Variants in TMEM131L observed in about 807,000 individuals in gnomAD.
The protein encoded by TMEM131L is transmembrane protein 131-like.
A neutral mutation model predicts 192.2 loss-of-function variants in TMEM131L; 54 were observed. The ratio of observed to expected loss-of-function variants is 0.28; its 90% CI spans 0.23 to 0.35. The LOEUF (loss-of-function observed/expected upper bound fraction) is 0.35, where lower values mean the gene tolerates loss of function less well. Ranked by LOEUF, TMEM131L falls within the 10% of genes least tolerant of loss-of-function variation. TMEM131L has a pLI of 1.00. For missense variants in TMEM131L, 1,888 were observed against 1,972.9 expected, an observed-to-expected ratio of 0.96 and a Z score of 0.82; for synonymous variants, 701 against 704.9, an observed-to-expected ratio of 0.99 and a Z score of 0.09.
At chr4:153,622,760 C>A (rs1458583021) in intron 28 of TMEM131L, 138 bp from the exon 29 acceptor site, 3 of 793,120 alleles carry the variant, frequency 3.8e-6, no homozygotes, top group Middle Eastern at 2.4e-4. Context: ...TCCATGAACT[C>A]CTCCTTTCTT....
chr4:153,595,499 G>T (rs575457139), intron 19 of TMEM131L, among the ~76,000 whole-genome samples: 1 of 152,072 alleles, frequency 6.6e-6, no homozygotes, highest in South Asian at 2.1e-4. Flanking sequence ...GATGGCATGG[G>T]TAACACTAGC....
intron 3 of TMEM131L, among the ~76,000 whole-genome samples, chr4:153,492,078 T>C (rs1732830128): frequency 6.6e-6 from 1 of 152,054 alleles, no homozygotes; most frequent in South Asian, 2.1e-4. Context: ...CATAGCTCGC[T>C]GCAACCTTGA....
In TMEM131L at chr4:153,550,079, G is replaced by A. The variant is rs1229400164; in HGVS notation, c.246G>A (p.Ser82=). 10 of 1,473,600 alleles carry A rather than the reference G, an allele frequency of 6.8e-6. No homozygotes were observed. Among genetic ancestry groups the A allele is most frequent in the Middle Eastern group, 1.7e-4 (1 of 5,748 alleles). The allele number at this position is 1,473,600 out of a possible 1,614,324, so 91.3% of individuals were successfully genotyped here. A position where few individuals can be genotyped will look rare whatever the true frequency, so the allele number is the denominator to read the frequency against. Residue 82 remains serine, a synonymous_variant, in exon 4 of 35, where the codon TCG becomes TCA. Coordinates refer to ENST00000409959, the MANE Select transcript of TMEM131L (RefSeq NM_001131007.2). ...LEEPSQEQSF[S]DKLFSGKGLH... ...CTCTCTTTTCTTTTTTTAGCTTCTC[G>A]GACAAACTATTTAGTGGAAAAGGCT...
At chr4:153,514,847 C>T (rs1026620642) in intron 3 of TMEM131L, among the ~76,000 whole-genome samples, 5 of 151,896 alleles carry the variant, frequency 3.3e-5, no homozygotes, top group African/African-American at 9.7e-5. Context: ...GAGTCTCGCT[C>T]TGTCCCCCAG....
chr4:153,625,807 C>T (rs1240312978), intron 29 of TMEM131L, among the ~76,000 whole-genome samples: 1 of 151,978 alleles, frequency 6.6e-6, no homozygotes, highest in Non-Finnish European at 1.5e-5. Flanking sequence ...ACTTGGGAGG[C>T]TGAGGCAGGA....
At chr4:153,574,407 C>T (rs1278078624) in intron 7 of TMEM131L, among the ~76,000 whole-genome samples, 1 of 152,074 alleles carries the variant, frequency 6.6e-6, no homozygotes, top group Non-Finnish European at 1.5e-5. Context: ...GCTGAGCCTG[C>T]TGTTATGCAG....
chr4:153,472,564 T>C (rs866766282), intron 2 of TMEM131L, among the ~76,000 whole-genome samples: 27 of 152,202 alleles, frequency 1.8e-4, no homozygotes, highest in Non-Finnish European at 3.5e-4. Context: ...CACCTGCCCT[T>C]GTGATGCTTG....
At position 153,466,384 on chromosome 4, in the gene TMEM131L, G is replaced by T; in HGVS notation, c.-14G>T. 1.5e-6 allele frequency: 2 copies of T among 1,302,058 alleles called. No homozygotes were observed. Among genetic ancestry groups the T allele is most frequent in the South Asian group, 2.1e-5 (1 of 46,768 alleles). 80.7% of individuals were successfully genotyped at this position (1,302,058 alleles called of 1,614,324 possible). A position where few individuals can be genotyped will look rare whatever the true frequency, so the allele number is the denominator to read the frequency against. On this transcript the variant is annotated 5_prime_UTR_variant, in exon 1 of 35. Transcript: ENST00000409959. ...CGAGCGCGGCGAGCAACGGAGAGGA[G>T]CGCGAGCAGCAGCATGGCGGGGCTC... is the stretch of plus-strand genomic sequence containing the variant.
chr4:153,548,150 C>T (rs939465687), intron 3 of TMEM131L, among the ~76,000 whole-genome samples: 14 of 152,176 alleles, frequency 9.2e-5, no homozygotes, highest in African/African-American at 3.4e-4. Context: ...TTTCCGGAGG[C>T]AACTTCTCTG....
At chr4:153,625,058 C>T (rs1733737116) in intron 29 of TMEM131L, among the ~76,000 whole-genome samples, 1 of 152,196 alleles carries the variant, frequency 6.6e-6, no homozygotes. Context: ...TGATAACGTT[C>T]TGTGCATGTG....
rs188637807 is a variant in TMEM131L, at chr4:153,628,832, G to A, written c.4207+1145G>A. Among the ~76,000 whole-genome samples, 401 of 152,250 alleles carry A rather than the reference G, an allele frequency of 2.6e-3. 2 individuals carry two copies. Among genetic ancestry groups the A allele is most frequent in the African/African-American group, 9.0e-3 (374 of 41,530 alleles). ...GCTTTGCTATCAGTTGGAGATATAC[G>A]TGCGGTTTGGTGTTCTAACCCAGGT... On this transcript the variant is annotated intron_variant, in intron 31 of 34. Transcript: ENST00000409959.
intron 3 of TMEM131L, among the ~76,000 whole-genome samples, chr4:153,543,124 T>A (rs1736918760): frequency 6.6e-6 from 1 of 152,222 alleles, no homozygotes; most frequent in African/African-American, 2.4e-5. Flanking sequence ...CCTTGAAGCC[T>A]GAAGCTTTCT....
chr4:153,493,042 C>T (rs1349348853), intron 3 of TMEM131L, among the ~76,000 whole-genome samples: 2 of 152,094 alleles, frequency 1.3e-5, no homozygotes, highest in East Asian at 1.9e-4. Flanking sequence ...GGTAGTAGCT[C>T]AGTGGCTAAA....
chr4:153,592,761 A>G (rs1265360261), intron 18 of TMEM131L, among the ~76,000 whole-genome samples, 177 bp downstream of exon 18: 2 of 152,194 alleles, frequency 1.3e-5, no homozygotes, highest in East Asian at 3.8e-4. Flanking sequence ...TGATGGAACT[A>G]CCTGGCTCTG....
At chr4:153,585,029 TTCTC>T (rs923941041) in intron 12 of TMEM131L, 98 bp downstream of exon 12, 23 of 967,740 alleles carry the variant, frequency 2.4e-5, no homozygotes, top group South Asian at 8.6e-5. Flanking sequence ...ATTTGTGTGA[TTCTC>T]TCTCTCACTG....
At chr4:153,629,998 G>T (rs1734103870) in intron 31 of TMEM131L, among the ~76,000 whole-genome samples, 2 of 152,166 alleles carry the variant, frequency 1.3e-5, no homozygotes, top group African/African-American at 2.4e-5. Flanking sequence ...GCAAACTTGT[G>T]CCTGGCCCCA....
chr4:153,636,210 A>C, intron 34 of TMEM131L, 91 bp from the exon 35 acceptor site: 1 of 1,258,020 alleles, frequency 7.9e-7, no homozygotes, highest in South Asian at 1.5e-5. Flanking sequence ...AAGTAACTTG[A>C]TAGCATTGTA....
chr4:153,487,061 A>G (rs1374346539), intron 3 of TMEM131L, among the ~76,000 whole-genome samples: 2 of 152,208 alleles, frequency 1.3e-5, no homozygotes, highest in South Asian at 4.1e-4. Context: ...CCTGGTGTGA[A>G]TCAGAAGCTC....
At position 153,541,468 on chromosome 4, in the gene TMEM131L, G is replaced by A. The variant is rs1241626211; in HGVS notation, c.240-8605G>A. On this transcript the variant is annotated intron_variant, in intron 3 of 34. Transcript: ENST00000409959. ...ACAAAGCTTTCAGCTGGGCAGGTAG[G>A]CCAAGGCACTCACTGGCGTGGGAAT... Among the ~76,000 whole-genome samples, 2 of 152,200 alleles carry A rather than the reference G, an allele frequency of 1.3e-5. 1 individual carries two copies. Among genetic ancestry groups the A allele is most frequent in the Non-Finnish European group, 2.9e-5 (2 of 68,034 alleles).
Sources: allele counts gnomAD v4.1 joint callset (sites outside exome capture counted in the v4.1 genomes callset), GRCh38; gene constraint gnomAD v4.1.1; transcripts MANE v1.5; gene names NCBI Gene and HGNC (gene_info 2026-07-23, HGNC 2026-07-21).